PDE4B: variants seen among roughly 807,000 people sequenced by gnomAD.
The protein encoded by PDE4B is phosphodiesterase 4B.
Under a neutral mutation model 82.2 loss-of-function variants are expected in PDE4B, and 20 were observed. The observed-to-expected ratio is 0.24, with a 90% confidence interval of 0.17 to 0.35. The LOEUF (loss-of-function observed/expected upper bound fraction) is 0.35, where lower values mean the gene tolerates loss of function less well. Ranked by LOEUF, PDE4B falls within the 10% of genes least tolerant of loss-of-function variation. PDE4B has a pLI of 1.00. For missense variants in PDE4B, 655 were observed against 907.2 expected, an observed-to-expected ratio of 0.72 and a Z score of 3.57; for synonymous variants, 320 against 318.9, an observed-to-expected ratio of 1.00 and a Z score of -0.04.
chr1:66,096,264 C>T (rs1310816020), intron 3 of PDE4B, among the ~76,000 whole-genome samples: 1 of 151,584 alleles, frequency 6.6e-6, no homozygotes, highest in East Asian at 1.9e-4. Context: ...TGAGAACATG[C>T]AGTTTTTAAC....
chr1:66,196,399 T>C (rs1648299639), intron 3 of PDE4B, among the ~76,000 whole-genome samples: 2 of 152,214 alleles, frequency 1.3e-5, no homozygotes, highest in Non-Finnish European at 2.9e-5. Flanking sequence ...CCCAAACAGA[T>C]GCTGCCTAGG....
At chr1:66,319,101 A>G (rs969754999) in intron 7 of PDE4B, among the ~76,000 whole-genome samples, 16 of 152,242 alleles carry the variant, frequency 1.1e-4, no homozygotes, top group Admixed American at 7.8e-4. Context: ...TTAGACTACA[A>G]AATACAATGC....
intron 1 of PDE4B, among the ~76,000 whole-genome samples, chr1:65,852,302 A>G (rs1183108968): frequency 1.3e-5 from 2 of 151,960 alleles, no homozygotes; most frequent in Non-Finnish European, 2.9e-5. Flanking sequence ...TTTTACTTAA[A>G]TATTAGATAG....
intron 1 of PDE4B, among the ~76,000 whole-genome samples, chr1:65,809,687 AT>A (rs1019436818): frequency 2.0e-5 from 3 of 152,128 alleles, no homozygotes; most frequent in African/African-American, 7.2e-5. Context: ...TTATTTTCTT[AT>A]TTTTGTTGAA....
At chr1:66,149,086 CT>C (rs1263896604) in intron 3 of PDE4B, among the ~76,000 whole-genome samples, 1 of 152,180 alleles carries the variant, frequency 6.6e-6, no homozygotes, top group African/African-American at 2.4e-5. Context: ...TTTTCAATCC[CT>C]TCAGCAATGA....
chr1:66,323,997 T>C (rs1659584389), intron 7 of PDE4B, among the ~76,000 whole-genome samples: 1 of 152,218 alleles, frequency 6.6e-6, no homozygotes, highest in Non-Finnish European at 1.5e-5. Flanking sequence ...TCCCTTCACA[T>C]TGGTGGTACA....
intron 3 of PDE4B, among the ~76,000 whole-genome samples, chr1:65,926,820 T>C (rs1436170789): frequency 2.6e-5 from 4 of 151,920 alleles, no homozygotes; most frequent in Admixed American, 2.0e-4. Flanking sequence ...GCATATCATA[T>C]TCAAACTTCA....
chr1:66,304,741 C>T (rs1281802005), intron 7 of PDE4B, among the ~76,000 whole-genome samples: 1 of 152,100 alleles, frequency 6.6e-6, no homozygotes, highest in Admixed American at 6.6e-5. Context: ...AAAGCAGGGA[C>T]ATACAGGGTT....
At chr1:66,363,024 C>T in intron 10 of PDE4B, 144 bp from the exon 11 acceptor site, 2 of 581,810 alleles carry the variant, frequency 3.4e-6, no homozygotes, top group South Asian at 2.4e-5. Flanking sequence ...GGTCATTTAA[C>T]TTTCAGATTT....
At chr1:66,034,943 T>G (rs1464147208) in intron 3 of PDE4B, among the ~76,000 whole-genome samples, 1 of 152,172 alleles carries the variant, frequency 6.6e-6, no homozygotes, top group African/African-American at 2.4e-5. Flanking sequence ...GGGGACTGTT[T>G]AAACTTTTCC....
At chr1:65,814,444 A>G (rs978189790) in intron 1 of PDE4B, among the ~76,000 whole-genome samples, 4 of 151,932 alleles carry the variant, frequency 2.6e-5, no homozygotes, top group African/African-American at 9.7e-5. Context: ...GCTTTTTTTT[A>G]AAAGAAACTT....
intron 3 of PDE4B, among the ~76,000 whole-genome samples, chr1:66,106,859 G>A (rs61546675): frequency 0.033 from 1,846 of 55,944 alleles, 125 homozygotes; most frequent in Middle Eastern, 0.11. Context: ...CTAGCATTCT[G>A]TCAATTTTGT....
chr1:65,945,540 G>A (rs911602442), intron 3 of PDE4B, among the ~76,000 whole-genome samples: 1 of 151,944 alleles, frequency 6.6e-6, no homozygotes, highest in African/African-American at 2.4e-5. Context: ...CGAATGGCAG[G>A]TTGGTCTCCT....
chr1:66,225,891 G>A (rs116730717), intron 3 of PDE4B, among the ~76,000 whole-genome samples: 2,124 of 152,298 alleles, frequency 0.014, 47 homozygotes, highest in African/African-American at 0.048. Flanking sequence ...TATGTGTCAT[G>A]TTTGTCTTAA....
chr1:65,987,665 T>A (rs2100667829), intron 3 of PDE4B, among the ~76,000 whole-genome samples: 1 of 152,272 alleles, frequency 6.6e-6, no homozygotes, highest in East Asian at 1.9e-4. Context: ...TGGGCTGGAG[T>A]GCAATGGCAC....
At chr1:65,798,851 T>C (rs1645664145) in intron 1 of PDE4B, among the ~76,000 whole-genome samples, 1 of 152,240 alleles carries the variant, frequency 6.6e-6, no homozygotes, top group Non-Finnish European at 1.5e-5. Context: ...AATCATACCC[T>C]GTCTGTAGAG....
chr1:66,064,434 A>G (rs777486379), intron 3 of PDE4B, among the ~76,000 whole-genome samples: 5 of 151,988 alleles, frequency 3.3e-5, no homozygotes, highest in Non-Finnish European at 7.4e-5. Flanking sequence ...AAAAATAAAG[A>G]AATGAGGAAA....
At chr1:65,845,650 T>C (rs1297279086) in intron 1 of PDE4B, among the ~76,000 whole-genome samples, 1 of 152,190 alleles carries the variant, frequency 6.6e-6, no homozygotes, top group South Asian at 2.1e-4. Flanking sequence ...TTGATGATGC[T>C]GAACAGTGCT....
chr1:65,994,468 A>C (rs1651422678), intron 3 of PDE4B, among the ~76,000 whole-genome samples: 2 of 150,234 alleles, frequency 1.3e-5, no homozygotes. Context: ...TTTGCAGAAT[A>C]CACGTGGTTA....
Sources: gnomAD v4.1 joint callset for allele counts (sites outside exome capture counted in the v4.1 genomes callset) on GRCh38, gnomAD v4.1.1 for gene constraint, MANE v1.5 for transcripts, NCBI Gene and HGNC (gene_info 2026-07-23, HGNC 2026-07-21) for gene names.